CRYL1: variants seen among roughly 807,000 people sequenced by gnomAD.
The protein encoded by CRYL1 is crystallin lambda 1.
In CRYL1, 29 loss-of-function variants were observed where a neutral mutation model predicts 36.6. The observed-to-expected ratio is 0.79, with a 90% confidence interval of 0.59 to 1.08. CRYL1 has a LOEUF of 1.08. Ranked by LOEUF, CRYL1 falls within the 50% of genes least tolerant of loss-of-function variation. The pLI, the probability that CRYL1 is intolerant of heterozygous loss-of-function variation, is 0.00. For synonymous variants in CRYL1, 152 were observed against 151.5 expected (o/e 1.00, Z -0.02); for missense variants, 411 against 407.9 (o/e 1.01, Z -0.06).
chr13:20,426,173 A>G (rs950774546), intron 5 of CRYL1, among the ~76,000 whole-genome samples: 1 of 151,784 alleles, frequency 6.6e-6, no homozygotes, highest in African/African-American at 2.4e-5. Flanking sequence ...TGGCTGGGTG[A>G]GCTTTTGATT....
intron 2 of CRYL1, among the ~76,000 whole-genome samples, chr13:20,509,003 G>A (rs1276753754): frequency 6.6e-6 from 1 of 151,032 alleles, no homozygotes; most frequent in Non-Finnish European, 1.5e-5. Context: ...GAGTCAGCCT[G>A]ACTAACATGG....
chr13:20,427,355 C>A, intron 5 of CRYL1: 1 of 981,906 alleles, frequency 1.0e-6, no homozygotes, highest in Non-Finnish European at 1.2e-6. Flanking sequence ...GCACAATAGA[C>A]CTGGCTCCTT....
chr13:20,451,434 C>A (rs1230282470), intron 3 of CRYL1, among the ~76,000 whole-genome samples: 1 of 152,020 alleles, frequency 6.6e-6, no homozygotes, highest in Non-Finnish European at 1.5e-5. Context: ...GGAACTTAAA[C>A]AATTGAACAA....
Position 20,413,592 on chromosome 13 carries a change from CATA to C in CRYL1, c.634-208_634-206del, listed in dbSNP as rs1411585086. On this transcript the variant is annotated intron_variant, in intron 5 of 7. Coordinates refer to ENST00000298248, the MANE Select transcript of CRYL1 (RefSeq NM_015974.3). ...TTAGATTTTGGAATATTAGCATATG[CATA>C]ATGAGATATTTTGGGGATGGGAGCT... Among the ~76,000 whole-genome samples, 7 of 152,280 alleles carry C rather than the reference CATA, an allele frequency of 4.6e-5. No homozygotes were observed. In the South Asian group the frequency reaches 1.4e-3, roughly 32 times the overall value.
rs756119140 is a variant in CRYL1, at chr13:20,404,629, A to G, written c.846+6T>C. On this transcript the variant is annotated splice_donor_region_variant and intron_variant, in intron 7 of 7. Coordinates refer to ENST00000298248, the MANE Select transcript of CRYL1 (RefSeq NM_015974.3). Reference sequence around the variant, plus strand: ...CTCTGCAGTGAGTTGCAGAGAAGTTACATACCTGGTTAACCTTCTCAGCAG... The same window carrying G: ...CTCTGCAGTGAGTTGCAGAGAAGTTGCATACCTGGTTAACCTTCTCAGCAG... The G allele has an allele frequency of 2.5e-6, 4 of 1,582,506 alleles. No homozygotes were observed. The East Asian group carries it at 8.9e-5, about 35-fold the overall frequency.
intron 3 of CRYL1, among the ~76,000 whole-genome samples, chr13:20,459,281 A>G (rs902273468): frequency 1.3e-5 from 2 of 151,972 alleles, no homozygotes; most frequent in Non-Finnish European, 2.9e-5. Context: ...CTGTGAAAGC[A>G]GTCTGGAGAT....
rs1317020026 is a variant in CRYL1, at chr13:20,512,423, G to C, written c.149+20C>G. 2 of 1,557,208 alleles carry C rather than the reference G, an allele frequency of 1.3e-6. No homozygotes were observed. Among genetic ancestry groups the C allele is most frequent in the Admixed American group, 1.7e-5 (1 of 59,390 alleles). On this transcript the variant is annotated intron_variant, in intron 2 of 7. Transcript: ENST00000298248. ...AACAGACCCACTTCCATTCCTTCTG[G>C]AGAGCGCCGGCTGGCCCACCTGATG...
rs2031649429 is a variant in CRYL1, at chr13:20,415,852, G to T, written c.634-2465C>A. Among the ~76,000 whole-genome samples the T allele has an allele frequency of 6.6e-6, 1 of 152,060 alleles. No individual in the cohort carries two copies. The highest frequency in any genetic ancestry group is 1.5e-5 in the Non-Finnish European group (1 of 68,038). On this transcript the variant is annotated intron_variant, in intron 5 of 7. Transcript: ENST00000298248. This position sits in a 1 kb window ranked among gnomAD's most constrained non-coding sequence, Gnocchi z 4.1. ...CTGTAAGTGGAATCACTGAGCGCGCGTTCTTTCGTGACTTGTCTCTCACCA... is the reference window on the plus strand; with the variant it reads ...CTGTAAGTGGAATCACTGAGCGCGCTTTCTTTCGTGACTTGTCTCTCACCA...
intron 6 of CRYL1, among the ~76,000 whole-genome samples, chr13:20,410,193 C>T (rs1205687131): frequency 6.8e-6 from 1 of 148,082 alleles, no homozygotes; most frequent in Non-Finnish European, 1.5e-5. Flanking sequence ...CCATGGAATA[C>T]TATGCAGCCA....
intron 6 of CRYL1, among the ~76,000 whole-genome samples, chr13:20,412,397 C>G (rs4769107): frequency 1.3e-5 from 2 of 152,048 alleles, no homozygotes; most frequent in African/African-American, 2.4e-5. Context: ...TATATGTTTT[C>G]TAAGTTAGTA....
At position 20,413,263 on chromosome 13, in the gene CRYL1, C is replaced by T; in HGVS notation, c.739+19G>A. 2 of 1,519,270 alleles carry T rather than the reference C, an allele frequency of 1.3e-6. No individual in the cohort carries two copies. The highest frequency in any genetic ancestry group is 1.8e-6 in the Non-Finnish European group (2 of 1,101,506). 94.1% of individuals were successfully genotyped at this position (1,519,270 alleles called of 1,614,324 possible). On this transcript the variant is annotated intron_variant, in intron 6 of 7. Transcript: ENST00000298248. ...ACACTAAATAGAATGGAATTCCCATCCTGGCCCCAGATGCATACCTTCTGC... is the reference window on the plus strand; with the variant it reads ...ACACTAAATAGAATGGAATTCCCATTCTGGCCCCAGATGCATACCTTCTGC...
At chr13:20,498,083 CACAT>C (rs1212251161) in intron 2 of CRYL1, among the ~76,000 whole-genome samples, 3 of 150,906 alleles carry the variant, frequency 2.0e-5, no homozygotes, top group Non-Finnish European at 4.4e-5. Context: ...ACACACACCA[CACAT>C]ACACACAACA....
intron 1 of CRYL1, 22 bp from the exon 2 acceptor site, chr13:20,512,572 G>A (rs774818673): frequency 1.3e-6 from 2 of 1,566,162 alleles, no homozygotes; most frequent in Non-Finnish European, 1.8e-6. Context: ...TAAAAGAAAG[G>A]ATTCGAGTTA....
intron 3 of CRYL1, among the ~76,000 whole-genome samples, chr13:20,478,725 C>T (rs547790999): frequency 6.6e-6 from 1 of 152,262 alleles, no homozygotes; most frequent in South Asian, 2.1e-4. Flanking sequence ...AATCTACCCG[C>T]TGTGGCCTCC....
intron 4 of CRYL1, among the ~76,000 whole-genome samples, chr13:20,434,243 A>G (rs945763672): frequency 6.6e-6 from 1 of 152,292 alleles, no homozygotes; most frequent in East Asian, 1.9e-4. Context: ...GTCAAGTGTG[A>G]ACTTGGGGAG....
At chr13:20,453,417 C>G (rs9796162) in intron 3 of CRYL1, among the ~76,000 whole-genome samples, 59,629 of 141,140 alleles carry the variant, frequency 0.42, 12,124 homozygotes, top group South Asian at 0.54. Flanking sequence ...TTGAAATATT[C>G]TAATATATTT....
intron 3 of CRYL1, among the ~76,000 whole-genome samples, chr13:20,463,427 TCTC>T (rs747197736): frequency 7.9e-5 from 12 of 152,042 alleles, no homozygotes; most frequent in Non-Finnish European, 1.8e-4. Flanking sequence ...TAAGACTCCT[TCTC>T]CTCTGGTATG....
At chr13:20,508,365 G>A (rs1029070091) in intron 2 of CRYL1, among the ~76,000 whole-genome samples, 1 of 152,160 alleles carries the variant, frequency 6.6e-6, no homozygotes, top group Non-Finnish European at 1.5e-5. Context: ...ACAAATGTGG[G>A]AATAAAAGAT....
chr13:20,482,369 G>A lies in CRYL1; in HGVS notation c.276+7001C>T, dbSNP rs73445929. Among the ~76,000 whole-genome samples the A allele has an allele frequency of 9.7e-3, 1,480 of 152,264 alleles. 26 individuals are homozygous for A. The highest frequency in any genetic ancestry group is 0.034 in the African/African-American group (1,413 of 41,538). On this transcript the variant is annotated intron_variant, in intron 3 of 7. Coordinates refer to ENST00000298248, the MANE Select transcript of CRYL1 (RefSeq NM_015974.3). Reference sequence around the variant, plus strand: ...GCTCCCACCAGCTACTGTGATCTCCGGTTTTAAGTTCCAGAGATTAGATAA... The same window carrying A: ...GCTCCCACCAGCTACTGTGATCTCCAGTTTTAAGTTCCAGAGATTAGATAA...
Sources: gnomAD v4.1 joint callset for allele counts (sites outside exome capture counted in the v4.1 genomes callset) on GRCh38, gnomAD v4.1.1 for gene constraint, Gnocchi (gnomAD v3.1) non-coding constraint, MANE v1.5 for transcripts, NCBI Gene and HGNC (gene_info 2026-07-23, HGNC 2026-07-21) for gene names.